BMAL1: variants seen among roughly 807,000 people sequenced by gnomAD.
BMAL1 encodes the protein basic helix-loop-helix ARNT like 1.
At chr11:13,330,665 T>C in the BMAL1 span, among the ~76,000 whole-genome samples, 2 of 152,230 alleles carry the variant, frequency 1.3e-5, no homozygotes, top group South Asian at 4.1e-4. Context: ...AATTAGGAGA[T>C]GGGAGGGATA....
chr11:13,303,311 A>G, the BMAL1 span, among the ~76,000 whole-genome samples: 1 of 152,206 alleles, frequency 6.6e-6, no homozygotes, highest in Non-Finnish European at 1.5e-5. Context: ...AGCAAAGGGA[A>G]AAAAGGCCAA....
chr11:13,360,779 A>ATT, the BMAL1 span, among the ~76,000 whole-genome samples: 1 of 152,214 alleles, frequency 6.6e-6, no homozygotes, highest in African/African-American at 2.4e-5. Flanking sequence ...TCTTCACCTG[A>ATT]TTTAACCACT....
chr11:13,339,535 G>A, the BMAL1 span, among the ~76,000 whole-genome samples: 2 of 151,892 alleles, frequency 1.3e-5, no homozygotes, highest in Admixed American at 6.6e-5. Context: ...CAGAGTCAAG[G>A]CCAAGATCCT....
chr11:13,342,520 A>T, the BMAL1 span, among the ~76,000 whole-genome samples: 1 of 151,922 alleles, frequency 6.6e-6, no homozygotes, highest in South Asian at 2.1e-4. Flanking sequence ...TACACTTGGG[A>T]CTCAGACTCT....
the BMAL1 span, among the ~76,000 whole-genome samples, chr11:13,306,617 G>A: frequency 6.6e-6 from 1 of 152,248 alleles, no homozygotes; most frequent in Admixed American, 6.5e-5. Flanking sequence ...ATTCTGGGCA[G>A]AGGAATTCTG....
At chr11:13,356,363 T>C in the BMAL1 span, 2 of 491,962 alleles carry the variant, frequency 4.1e-6, no homozygotes, top group Non-Finnish European at 7.9e-6. Context: ...AAGCTTCATT[T>C]ATCCAGAATG....
the BMAL1 span, chr11:13,375,551 G>A: frequency 7.3e-7 from 1 of 1,370,806 alleles, no homozygotes; most frequent in Non-Finnish European, 9.8e-7. Context: ...TGTATTGGAT[G>A]TCCTGTTTAA....
the BMAL1 span, among the ~76,000 whole-genome samples, chr11:13,328,992 G>A: frequency 6.6e-6 from 1 of 152,132 alleles, no homozygotes; most frequent in South Asian, 2.1e-4. Context: ...AGTCTGGTGT[G>A]TATTTGCTTT....
the BMAL1 span, chr11:13,387,263 T>C: frequency 6.5e-6 from 1 of 152,692 alleles, no homozygotes; most frequent in Non-Finnish European, 1.5e-5. Context: ...CCTTGTTCTA[T>C]AAATACTGTT....
the BMAL1 span, among the ~76,000 whole-genome samples, chr11:13,295,416 G>A: frequency 1.3e-5 from 2 of 152,094 alleles, no homozygotes; most frequent in African/African-American, 4.8e-5. Flanking sequence ...GGAGGTTACA[G>A]GTGCCTGTTT....
the BMAL1 span, among the ~76,000 whole-genome samples, chr11:13,376,318 C>CT: frequency 1.3e-5 from 2 of 152,196 alleles, no homozygotes; most frequent in East Asian, 3.8e-4. Context: ...ATGGTAAGAG[C>CT]TGTGTGAGGG....
the BMAL1 span, among the ~76,000 whole-genome samples, chr11:13,365,151 T>G: frequency 8.5e-5 from 13 of 152,180 alleles, no homozygotes; most frequent in Non-Finnish European, 1.3e-4. Flanking sequence ...GAGTTGTTAT[T>G]ATTAGAGCAA....
the BMAL1 span, chr11:13,354,974 TTTTG>T: frequency 1.2e-5 from 4 of 325,880 alleles, no homozygotes; most frequent in East Asian, 2.1e-4. Context: ...TAAATAGTAT[TTTTG>T]TTTATTTTTA....
chr11:13,385,595 A>C, the BMAL1 span: 1 of 831,010 alleles, frequency 1.2e-6, no homozygotes, highest in East Asian at 2.6e-5. Context: ...AAGCCATTTG[A>C]AGCTTCTCCC....
At chr11:13,338,100 G>C in the BMAL1 span, among the ~76,000 whole-genome samples, 2 of 152,044 alleles carry the variant, frequency 1.3e-5, no homozygotes, top group Admixed American at 6.5e-5. Context: ...TGAGCTGTAC[G>C]ACTCATGCCT....
chr11:13,305,412 G>C, the BMAL1 span, among the ~76,000 whole-genome samples: 1 of 152,166 alleles, frequency 6.6e-6, no homozygotes, highest in South Asian at 2.1e-4. Flanking sequence ...TTCATTGCTA[G>C]TATATAGAAA....
At chr11:13,385,657 C>G in the BMAL1 span, 4 of 1,546,774 alleles carry the variant, frequency 2.6e-6, no homozygotes, top group South Asian at 1.1e-5. Flanking sequence ...AATACTGATT[C>G]AAACTTCACA....
chr11:13,346,020 C>T, the BMAL1 span, among the ~76,000 whole-genome samples: 10 of 152,260 alleles, frequency 6.6e-5, no homozygotes, highest in South Asian at 2.1e-4. Flanking sequence ...ATGGATGAGT[C>T]GGTCACCCTG....
chr11:13,350,792 G>C, the BMAL1 span, among the ~76,000 whole-genome samples: 5 of 152,030 alleles, frequency 3.3e-5, no homozygotes, highest in Non-Finnish European at 7.4e-5. Flanking sequence ...TATTATTTTG[G>C]GTAAGAAAAG....
Sources: gnomAD v4.1 joint callset for allele counts (sites outside exome capture counted in the v4.1 genomes callset) on GRCh38, gnomAD v4.1.1 for gene constraint, MANE v1.5 for transcripts, NCBI Gene and HGNC (gene_info 2026-07-23, HGNC 2026-07-21) for gene names.